The following RBPJ variants were observed in gnomAD, a reference collection of about 807,000 sequenced individuals.
The protein encoded by RBPJ is recombining binding protein suppressor of hairless.
A neutral mutation model predicts 67.8 loss-of-function variants in RBPJ; 9 were observed. The ratio of observed to expected loss-of-function variants is 0.13; its 90% CI spans 0.08 to 0.23. The LOEUF is 0.23. Ranked by LOEUF, RBPJ falls within the 10% of genes least tolerant of loss-of-function variation. The pLI, the probability that RBPJ is intolerant of heterozygous loss-of-function variation, is 1.00. For synonymous variants in RBPJ, 198 were observed against 203.3 expected (o/e 0.97, Z 0.22); for missense variants, 305 against 595.6 (o/e 0.51, Z 5.08).
chr4:26,397,506 A>G (rs546995210), intron 2 of RBPJ, among the ~76,000 whole-genome samples: 1 of 152,184 alleles, frequency 6.6e-6, no homozygotes. Context: ...TTCCTTAAAA[A>G]CTTTTAAAAA....
chr4:26,201,216 G>A (rs112552891), intron 1 of RBPJ, among the ~76,000 whole-genome samples: 1,831 of 152,244 alleles, frequency 0.012, 34 homozygotes, highest in African/African-American at 0.042. Context: ...ACTCAGGCTT[G>A]TTGACTGGTT....
At chr4:26,183,745 C>T (rs922325944) in intron 1 of RBPJ, among the ~76,000 whole-genome samples, 4 of 152,192 alleles carry the variant, frequency 2.6e-5, no homozygotes, top group Admixed American at 2.0e-4. Context: ...CGTGGTCGCT[C>T]ACGCCTGTAA....
chr4:26,255,450 A>T (rs537700655), intron 1 of RBPJ, among the ~76,000 whole-genome samples: 1 of 147,994 alleles, frequency 6.8e-6, no homozygotes, highest in African/African-American at 2.5e-5. Context: ...TGACCCCTGC[A>T]CATAGATGTT....
chr4:26,129,964 C>A, the RBPJ span, among the ~76,000 whole-genome samples: 1 of 152,176 alleles, frequency 6.6e-6, no homozygotes, highest in Non-Finnish European at 1.5e-5. Flanking sequence ...CAGGTCCAAG[C>A]GATTCTCCTG....
intron 2 of RBPJ, among the ~76,000 whole-genome samples, chr4:26,402,257 C>T (rs1732907730): frequency 6.6e-6 from 1 of 152,174 alleles, no homozygotes; most frequent in Non-Finnish European, 1.5e-5. Context: ...TCAAATCCCT[C>T]ATCATGTTAC....
intron 1 of RBPJ, among the ~76,000 whole-genome samples, chr4:26,237,355 A>T (rs1409241082): frequency 6.6e-6 from 1 of 152,242 alleles, no homozygotes; most frequent in Non-Finnish European, 1.5e-5. Flanking sequence ...GTCTCAAAAA[A>T]AAAAATCATT....
chr4:26,429,444 T>G (rs1430282673), intron 8 of RBPJ, among the ~76,000 whole-genome samples: 1 of 152,116 alleles, frequency 6.6e-6, no homozygotes, highest in Non-Finnish European at 1.5e-5. Context: ...TGTGTTAAGG[T>G]AGGGGTAGGG....
intron 1 of RBPJ, among the ~76,000 whole-genome samples, chr4:26,273,714 A>G (rs6831303): frequency 0.88 from 134,153 of 152,242 alleles, 59,362 homozygotes; most frequent in African/African-American, 0.97. Flanking sequence ...CCCCTCCTCC[A>G]CTTTCAGGAA....
chr4:26,319,184 A>T (rs1284287477), upstream of RBPJ, among the ~76,000 whole-genome samples: 1 of 151,918 alleles, frequency 6.6e-6, no homozygotes, highest in Non-Finnish European at 1.5e-5. Context: ...ACGTTTTAGG[A>T]AAGTACCAGG....
Position 26,222,974 on chromosome 4 carries a change from T to C in RBPJ, c.-167+59360T>C, listed in dbSNP as rs757772913. On this transcript the variant is annotated intron_variant, in intron 1 of 4. Transcript: ENST00000512351. ...TTCAAGACCAGCCTGACCAACGTAG[T>C]GAAACCCCGTCTCTACTAAAAATAC... Among the ~76,000 whole-genome samples the C allele has an allele frequency of 1.3e-4, 20 of 151,756 alleles. 1 individual carries two copies. The highest frequency in any genetic ancestry group is 1.7e-4 in the African/African-American group (7 of 41,308).
At chr4:26,276,286 A>G (rs906728042) in intron 1 of RBPJ, among the ~76,000 whole-genome samples, 2 of 151,854 alleles carry the variant, frequency 1.3e-5, no homozygotes, top group Non-Finnish European at 2.9e-5. Flanking sequence ...AAAAAAAAAA[A>G]AAGAAAAAGA....
chr4:26,332,246 TTA>T (rs950493485), intron 1 of RBPJ, among the ~76,000 whole-genome samples: 4 of 151,996 alleles, frequency 2.6e-5, no homozygotes, highest in African/African-American at 9.7e-5. Flanking sequence ...CTTTCAGAGG[TTA>T]TTTCATAATT....
intron 1 of RBPJ, among the ~76,000 whole-genome samples, chr4:26,355,467 G>T (rs560092977): frequency 4.2e-5 from 6 of 143,914 alleles, no homozygotes; most frequent in Middle Eastern, 7.1e-3. Context: ...GGGCAACATA[G>T]CAAGACTTCA....
the RBPJ span, among the ~76,000 whole-genome samples, chr4:26,138,347 G>A: frequency 1.3e-5 from 2 of 149,400 alleles, no homozygotes; most frequent in African/African-American, 2.5e-5. Flanking sequence ...CTCCCTGTCC[G>A]ATGCTGGGGC....
intron 1 of RBPJ, among the ~76,000 whole-genome samples, chr4:26,189,645 A>G (rs1717405874): frequency 6.6e-6 from 1 of 152,182 alleles, no homozygotes; most frequent in Admixed American, 6.6e-5. Context: ...GAAACAGAGC[A>G]AGACTCCACC....
chr4:26,205,598 T>G (rs984420968), intron 1 of RBPJ, among the ~76,000 whole-genome samples: 1 of 151,882 alleles, frequency 6.6e-6, no homozygotes, highest in Admixed American at 6.6e-5. Context: ...AAATTTTTTT[T>G]GTTTTGTTTT....
At chr4:26,182,108 C>T (rs1196650737) in intron 1 of RBPJ, among the ~76,000 whole-genome samples, 2 of 152,082 alleles carry the variant, frequency 1.3e-5, no homozygotes, top group Non-Finnish European at 2.9e-5. Flanking sequence ...TTTGGGAGGC[C>T]GAGGCAGCCG....
the RBPJ span, among the ~76,000 whole-genome samples, chr4:26,109,460 C>CTCTCTCTCTA: frequency 6.8e-5 from 1 of 14,700 alleles, no homozygotes; most frequent in Non-Finnish European, 1.2e-4. Flanking sequence ...CTCTCTCTCT[C>CTCTCTCTCTA]TATATATATA....
intron 1 of RBPJ, among the ~76,000 whole-genome samples, chr4:26,186,575 G>C (rs1002112158): frequency 4.6e-5 from 7 of 152,148 alleles, no homozygotes; most frequent in Non-Finnish European, 1.0e-4. Context: ...GGGTTGGGCA[G>C]CCTCTCTAAG....
Sources: gnomAD v4.1 joint callset for allele counts (sites outside exome capture counted in the v4.1 genomes callset) on GRCh38, gnomAD v4.1.1 for gene constraint, MANE v1.5 for transcripts, NCBI Gene and HGNC (gene_info 2026-07-23, HGNC 2026-07-21) for gene names.